SLC35D4: variants seen among roughly 807,000 people sequenced by gnomAD.
SLC35D4 encodes the protein UDP-N-acetylglucosamine transporter SLC35D4.
At chr18:23,303,905 GA>G in the SLC35D4 span, among the ~76,000 whole-genome samples, 2,241 of 109,216 alleles carry the variant, frequency 0.021, 46 homozygotes, top group African/African-American at 0.054. Context: ...CTATCTCCAG[GA>G]AAAAAAAAAA....
At chr18:23,411,576 G>A in the SLC35D4 span, among the ~76,000 whole-genome samples, 2 of 151,614 alleles carry the variant, frequency 1.3e-5, no homozygotes, top group African/African-American at 4.8e-5. Context: ...GGGTCTCCCA[G>A]CAACTCCTAG....
chr18:23,361,122 AAAAG>A, the SLC35D4 span, among the ~76,000 whole-genome samples: 1 of 143,974 alleles, frequency 6.9e-6, no homozygotes, highest in East Asian at 2.1e-4. Flanking sequence ...AAAAAAAAAA[AAAAG>A]AAAAAGAAAA....
chr18:23,243,169 T>G, the SLC35D4 span, among the ~76,000 whole-genome samples: 11 of 152,064 alleles, frequency 7.2e-5, no homozygotes, highest in Non-Finnish European at 1.0e-4. Context: ...GTGGATTTGT[T>G]GGGAAGCTAA....
the SLC35D4 span, among the ~76,000 whole-genome samples, chr18:23,337,200 G>A: frequency 3.8e-4 from 58 of 152,240 alleles, 1 homozygote; most frequent in East Asian, 1.5e-3. Flanking sequence ...TAGGCCGGGC[G>A]CGGTGGCTCA....
At chr18:23,304,572 G>A in the SLC35D4 span, among the ~76,000 whole-genome samples, 1 of 151,070 alleles carries the variant, frequency 6.6e-6, no homozygotes, top group African/African-American at 2.4e-5. Context: ...AGAGAGAGAG[G>A]GAGAGAGAGA....
At chr18:23,427,418 A>G in the SLC35D4 span, among the ~76,000 whole-genome samples, 1 of 152,334 alleles carries the variant, frequency 6.6e-6, no homozygotes, top group East Asian at 1.9e-4. Flanking sequence ...ACATGAAAAA[A>G]TGCTCATCAT....
the SLC35D4 span, among the ~76,000 whole-genome samples, chr18:23,350,998 T>C: frequency 6.6e-6 from 1 of 152,230 alleles, no homozygotes; most frequent in Non-Finnish European, 1.5e-5. Flanking sequence ...TCCAGCTTTC[T>C]AGCTGTTTTT....
the SLC35D4 span, among the ~76,000 whole-genome samples, chr18:23,305,164 C>G: frequency 6.6e-6 from 1 of 152,022 alleles, no homozygotes; most frequent in African/African-American, 2.4e-5. Flanking sequence ...AAAATGTCTA[C>G]TGGACATTCT....
At chr18:23,275,013 G>GTGTGCTTGTGTGAGTGTGCGTA in the SLC35D4 span, among the ~76,000 whole-genome samples, 3 of 22,624 alleles carry the variant, frequency 1.3e-4, no homozygotes, top group South Asian at 1.4e-3. Flanking sequence ...TTGTGTATGT[G>GTGTGCTTGTGTGAGTGTGCGTA]TGTGCTTGTG....
chr18:23,405,017 A>C, the SLC35D4 span, among the ~76,000 whole-genome samples: 1 of 150,818 alleles, frequency 6.6e-6, no homozygotes, highest in Non-Finnish European at 1.5e-5. Context: ...AAAAAAAAAA[A>C]AAAAAACAGG....
At chr18:23,316,229 G>A in the SLC35D4 span, among the ~76,000 whole-genome samples, 2 of 152,168 alleles carry the variant, frequency 1.3e-5, no homozygotes, top group South Asian at 4.1e-4. Flanking sequence ...CTCTCCCACA[G>A]GCCACAGAGT....
At chr18:23,272,734 C>T in the SLC35D4 span, among the ~76,000 whole-genome samples, 5 of 152,182 alleles carry the variant, frequency 3.3e-5, no homozygotes, top group Non-Finnish European at 7.3e-5. Flanking sequence ...CCACTGTCTT[C>T]GTTAGCATTT....
At chr18:23,373,848 C>T in the SLC35D4 span, 1 of 1,472,356 alleles carries the variant, frequency 6.8e-7, no homozygotes, top group South Asian at 1.2e-5. Flanking sequence ...AATGCATCCT[C>T]TGGAGTTGGA....
the SLC35D4 span, among the ~76,000 whole-genome samples, chr18:23,273,220 T>C: frequency 2.6e-5 from 4 of 152,148 alleles, no homozygotes; most frequent in Admixed American, 2.6e-4. Context: ...GATCCCTGGG[T>C]TTCTGAGAAG....
At chr18:23,333,445 C>G in the SLC35D4 span, among the ~76,000 whole-genome samples, 2 of 152,176 alleles carry the variant, frequency 1.3e-5, no homozygotes, top group African/African-American at 4.8e-5. Context: ...ATAGCATACT[C>G]TAAAGAAAGA....
the SLC35D4 span, among the ~76,000 whole-genome samples, chr18:23,383,160 T>C: frequency 6.6e-6 from 1 of 151,950 alleles, no homozygotes; most frequent in African/African-American, 2.4e-5. Context: ...GCAGGGGAGC[T>C]GAGCTCAGCA....
the SLC35D4 span, among the ~76,000 whole-genome samples, chr18:23,358,620 C>T: frequency 6.6e-6 from 1 of 152,222 alleles, no homozygotes; most frequent in Non-Finnish European, 1.5e-5. Flanking sequence ...CACACCTGTC[C>T]CTCCTCCTCC....
chr18:23,248,783 C>A, the SLC35D4 span, among the ~76,000 whole-genome samples: 6 of 152,244 alleles, frequency 3.9e-5, no homozygotes, highest in Non-Finnish European at 7.4e-5. Context: ...TGAGATCACA[C>A]CATTGCACTC....
the SLC35D4 span, chr18:23,399,786 G>A: frequency 2.7e-6 from 2 of 740,800 alleles, no homozygotes; most frequent in Non-Finnish European, 4.5e-6. Context: ...TGTTAAGTGA[G>A]ATGTAGTCTT....
Sources: allele counts gnomAD v4.1 joint callset (sites outside exome capture counted in the v4.1 genomes callset), GRCh38; gene constraint gnomAD v4.1.1; transcripts MANE v1.5; gene names NCBI Gene and HGNC (gene_info 2026-07-23, HGNC 2026-07-21).